The following STK32B variants were observed in gnomAD, a reference collection of about 807,000 sequenced individuals.
STK32B encodes the protein serine/threonine-protein kinase 32B.
STK32B carries 43 observed loss-of-function variants against 52.6 expected under a neutral mutation model. The observed-to-expected ratio is 0.82, with a 90% confidence interval of 0.64 to 1.05. The LOEUF (loss-of-function observed/expected upper bound fraction) is 1.05. Ranked by LOEUF, STK32B falls within the 50% of genes least tolerant of loss-of-function variation. STK32B has a pLI of 0.00. For synonymous variants in STK32B, 238 were observed against 204.3 expected (o/e 1.17, Z -1.41); for missense variants, 621 against 534.6 (o/e 1.16, Z -1.59).
At chr4:5,270,230 C>G (rs1727334556) in intron 3 of STK32B, among the ~76,000 whole-genome samples, 1 of 152,094 alleles carries the variant, frequency 6.6e-6, no homozygotes, top group African/African-American at 2.4e-5. Context: ...GGTGAGGTCC[C>G]ACAATAGTCC....
intron 4 of STK32B, among the ~76,000 whole-genome samples, chr4:5,333,968 T>C (rs976612208): frequency 5.3e-5 from 8 of 152,342 alleles, no homozygotes; most frequent in Admixed American, 2.0e-4. Flanking sequence ...AGCTCTTTTT[T>C]GGTTCCATAT....
At position 5,385,182 on chromosome 4, in the gene STK32B, G is replaced by GCCAGAGCTAGA. The variant is rs1736169908; in HGVS notation, c.435-13025_435-13024insCCAGAGCTAGA. On this transcript the variant is annotated intron_variant, in intron 4 of 11. Coordinates refer to ENST00000282908, the MANE Select transcript of STK32B (RefSeq NM_018401.3). Reference sequence around the variant, plus strand: ...CTCCTGGCCAGAGCTAGAGGGAATGGGGGAGAAGAACAGGAGGGTTTAGAT... The same window carrying GCCAGAGCTAGA: ...CTCCTGGCCAGAGCTAGAGGGAATGGCCAGAGCTAGAGGGAGAAGAACAGGAGGGTTTAGAT... Among the ~76,000 whole-genome samples, 3 of 152,082 alleles carry GCCAGAGCTAGA rather than the reference G, an allele frequency of 2.0e-5. No individual in the cohort carries two copies. In the South Asian group the frequency reaches 6.2e-4, roughly 32 times the overall value.
In STK32B at chr4:5,240,546, G is replaced by A. The variant is rs898383106; in HGVS notation, c.260+72096G>A. 2.0e-5 allele frequency among the ~76,000 whole-genome samples: 3 copies of A among 152,166 alleles called. 1 individual carries two copies. Among genetic ancestry groups the A allele is most frequent in the African/African-American group, 4.8e-5 (2 of 41,508 alleles). On this transcript the variant is annotated intron_variant, in intron 3 of 11. Transcript: ENST00000282908. ...ATGATCTCTGCTCACTGCAACCTCC[G>A]CCTCCCGGGTTCAAGCGATTTTTCT... is the stretch of plus-strand genomic sequence containing the variant.
chr4:5,439,429 C>T (rs1242214920), intron 6 of STK32B, among the ~76,000 whole-genome samples: 35 of 151,920 alleles, frequency 2.3e-4, no homozygotes, highest in Middle Eastern at 3.4e-3. Flanking sequence ...TCATGTCCTT[C>T]GCCCACTTTT....
chr4:5,372,057 A>G (rs978466243), intron 4 of STK32B, among the ~76,000 whole-genome samples: 2 of 152,254 alleles, frequency 1.3e-5, no homozygotes, highest in African/African-American at 4.8e-5. Flanking sequence ...GCCTGCAGGC[A>G]GGCGAGCAGA....
At chr4:5,094,917 A>G (rs901833290) in intron 1 of STK32B, among the ~76,000 whole-genome samples, 1 of 152,188 alleles carries the variant, frequency 6.6e-6, no homozygotes, top group Non-Finnish European at 1.5e-5. Context: ...CAGTTCATTA[A>G]TTCACCCAAC....
At chr4:5,274,134 A>T (rs928463000) in intron 3 of STK32B, among the ~76,000 whole-genome samples, 7 of 152,320 alleles carry the variant, frequency 4.6e-5, no homozygotes, top group Admixed American at 6.5e-5. Context: ...TTGACAAACT[A>T]TTTCAAAAAT....
At chr4:5,356,113 A>G (rs1163263452) in intron 4 of STK32B, among the ~76,000 whole-genome samples, 2 of 152,168 alleles carry the variant, frequency 1.3e-5, no homozygotes, top group Non-Finnish European at 2.9e-5. Flanking sequence ...AATGTGAGAA[A>G]TAGATCAGGG....
At chr4:5,121,836 A>G (rs999099776) in intron 1 of STK32B, among the ~76,000 whole-genome samples, 51 of 152,280 alleles carry the variant, frequency 3.3e-4, no homozygotes, top group African/African-American at 1.1e-3. Flanking sequence ...GGCCAGGGAC[A>G]ATCATCCTGT....
At chr4:5,122,811 G>T (rs1206589037) in intron 1 of STK32B, among the ~76,000 whole-genome samples, 1 of 152,084 alleles carries the variant, frequency 6.6e-6, no homozygotes, top group Non-Finnish European at 1.5e-5. Context: ...CTCCCTTGCT[G>T]CACTCTCCTG....
At chr4:5,498,649 GATCTCAAGTAAAC>G (rs1159375712) in intron 11 of STK32B, among the ~76,000 whole-genome samples, 2 of 152,226 alleles carry the variant, frequency 1.3e-5, no homozygotes, top group Non-Finnish European at 2.9e-5. Context: ...ATAAATATGT[GATCTCAAGTAAAC>G]ATCACAAGGA....
intron 3 of STK32B, among the ~76,000 whole-genome samples, chr4:5,169,302 T>C (rs2108737819): frequency 6.6e-6 from 1 of 152,308 alleles, no homozygotes; most frequent in East Asian, 1.9e-4. Context: ...TGGAGGGACT[T>C]AGCAAATGTT....
At position 5,051,748 on chromosome 4, in the gene STK32B, G is replaced by A; in HGVS notation, c.-116G>A. On this transcript the variant is annotated 5_prime_UTR_variant, in exon 1 of 12. Coordinates refer to ENST00000282908, the MANE Select transcript of STK32B (RefSeq NM_018401.3). ...TGCTCGGCCCCCTCGGGCTCCGCGC[G>A]CGGCTACAACCCGGACTGGGCGCGC... 7.0e-7 allele frequency: 1 copy of A among 1,426,648 alleles called. No individual in the cohort carries two copies. The highest frequency in any genetic ancestry group is 9.5e-7 in the Non-Finnish European group (1 of 1,056,788). 88.4% of individuals were successfully genotyped at this position (1,426,648 alleles called of 1,614,324 possible).
Position 5,264,664 on chromosome 4 carries a change from G to A in STK32B, c.261-66556G>A, listed in dbSNP as rs190377496. Among the ~76,000 whole-genome samples the A allele has an allele frequency of 8.5e-4, 130 of 152,112 alleles. 1 individual carries two copies. The highest frequency in any genetic ancestry group is 3.0e-3 in the African/African-American group (124 of 41,514). ...TAGCCGGGCATGGTGGCGGGCGCCT[G>A]TAGTCCCAGCTGCTCGGGAGGCTGA... is the stretch of plus-strand genomic sequence containing the variant. On this transcript the variant is annotated intron_variant, in intron 3 of 11. Coordinates refer to ENST00000282908, the MANE Select transcript of STK32B (RefSeq NM_018401.3).
rs552824356 is a variant in STK32B, at chr4:5,414,395, G to A, written c.473-2450G>A. ...TACATTAATATTTCTACCGCAAAAC[G>A]TGGATATTCATCCAAAATGGAATAA... On this transcript the variant is annotated intron_variant, in intron 5 of 11. Transcript: ENST00000282908. Among the ~76,000 whole-genome samples the A allele has an allele frequency of 2.4e-4, 37 of 152,162 alleles. No homozygotes were observed. In the South Asian group the frequency reaches 2.7e-3, roughly 11 times the overall value.
At chr4:5,061,286 C>T (rs1435038487) in intron 1 of STK32B, among the ~76,000 whole-genome samples, 1 of 152,126 alleles carries the variant, frequency 6.6e-6, no homozygotes, top group Non-Finnish European at 1.5e-5. Flanking sequence ...CCATTAACTT[C>T]TTAATGTTAT....
chr4:5,166,478 T>C (rs1718877863), intron 2 of STK32B, among the ~76,000 whole-genome samples: 1 of 146,706 alleles, frequency 6.8e-6, no homozygotes, highest in African/African-American at 2.5e-5. Context: ...GATGAAGTCA[T>C]ACTAGATGAG....
rs529373392 is a variant in STK32B at position 5,340,889 on chromosome 4, C to G, written c.434+9496C>G. On this transcript the variant is annotated intron_variant, in intron 4 of 11. Transcript: ENST00000282908. ...CACATACATGCACATATACAAATAT[C>G]TCATTTAATCCTCACAGCAATAAAA... Among the ~76,000 whole-genome samples the G allele has an allele frequency of 2.6e-5, 4 of 152,210 alleles. No individual in the cohort carries two copies. The East Asian group carries it at 5.8e-4, about 22-fold the overall frequency.
At chr4:5,289,490 T>C (rs146803519) in intron 3 of STK32B, among the ~76,000 whole-genome samples, 23 of 152,180 alleles carry the variant, frequency 1.5e-4, no homozygotes, top group Admixed American at 3.3e-4. Flanking sequence ...TCCCAGCCAA[T>C]AAATATATAA....
Sources: allele counts gnomAD v4.1 joint callset (sites outside exome capture counted in the v4.1 genomes callset), GRCh38; gene constraint gnomAD v4.1.1; transcripts MANE v1.5; gene names NCBI Gene and HGNC (gene_info 2026-07-23, HGNC 2026-07-21).